The following NUP188 variants were observed in gnomAD, a reference collection of about 807,000 sequenced individuals.
NUP188 encodes nucleoporin NUP188.
A neutral mutation model predicts 223.0 loss-of-function variants in NUP188; 97 were observed. The observed-to-expected ratio is 0.43, with a 90% CI of 0.37 to 0.51. NUP188 has a LOEUF of 0.51. Among genes scored for constraint, NUP188 ranks in the 20% least tolerant of loss-of-function variants. The pLI is 0.00. For synonymous variants in NUP188, 869 were observed against 828.0 expected, an observed-to-expected ratio of 1.05 and a Z score of -0.85; for missense variants, 1,947 against 2,175.6, an observed-to-expected ratio of 0.89 and a Z score of 2.09.
In NUP188 at chr9:128,968,644, C is replaced by A. The variant is rs199727178; in HGVS notation, c.724C>A (p.Gln242Lys). ...LLVLTKMFKE[Q>K]GFGSRQTNRH... ...TGTATTAACCAAGATGTTTAAAGAG[C>A]AAGGATTTGGTAGTAGGCAGACCAA... The change falls in exon 9 of 44, where the codon CAA (glutamine) becomes AAA (lysine). Residue 242 changes from glutamine (Q) to lysine (K), a missense_variant. Around this residue, in one of 3 missense-constraint regions of NUP188, gnomAD observed 817 missense variants for 865.8 expected, o/e 0.94. Coordinates refer to ENST00000372577, the MANE Select transcript of NUP188 (RefSeq NM_015354.3). The A allele has an allele frequency of 6.6e-5, 107 of 1,613,924 alleles. No individual in the cohort carries two copies. The highest frequency in any genetic ancestry group is 8.3e-5 in the Non-Finnish European group (98 of 1,179,968).
intron 3 of NUP188, among the ~76,000 whole-genome samples, chr9:128,954,283 C>T (rs1187596919): frequency 6.6e-6 from 1 of 151,266 alleles, no homozygotes; most frequent in South Asian, 2.1e-4. Flanking sequence ...GGCACGATCT[C>T]GGCTCACTGC....
intron 5 of NUP188, 71 bp downstream of exon 5, chr9:128,957,103 AT>A: frequency 9.3e-7 from 1 of 1,077,280 alleles, no homozygotes; most frequent in Non-Finnish European, 1.4e-6. Flanking sequence ...ATAATGTAGG[AT>A]TTTGGCACCA....
At chr9:128,949,727 C>G (rs1239542765) in intron 2 of NUP188, among the ~76,000 whole-genome samples, 37 of 151,982 alleles carry the variant, frequency 2.4e-4, no homozygotes. Flanking sequence ...CTCCCGAGTT[C>G]AAGCGATTTT....
rs1330580005 is a variant in NUP188 at position 128,966,282 on chromosome 9, GTGTGTT to G, written c.586-2218_586-2213del. On this transcript the variant is annotated intron_variant, in intron 8 of 43. Coordinates refer to ENST00000372577, the MANE Select transcript of NUP188 (RefSeq NM_015354.3). The stretch of plus-strand genomic sequence containing the variant: ...TGTCTGTGTGTGTGTGTGTGTGTGT[GTGTGTT>G]TGTGTGTGTGTATGTGTTAGAAGTC... Among the ~76,000 whole-genome samples the G allele has an allele frequency of 8.0e-5, 12 of 150,762 alleles. No homozygotes were observed. The East Asian group carries it at 2.2e-3, about 27-fold the overall frequency.
In NUP188 at chr9:128,958,861, C is replaced by G; in HGVS notation, c.432C>G (p.Leu144=). The G allele has an allele frequency of 6.2e-7, 1 of 1,601,746 alleles. No homozygotes were observed. The highest frequency in any genetic ancestry group is 1.1e-5 in the South Asian group (1 of 88,960). ...TCILRCVLHL[L]TYFQDERHPY... ...TTCTTCGTTGTGTCTTACACCTTCT[C>G]ACTTACTTCCAAGATGAAAGACACC... is the stretch of plus-strand genomic sequence containing the variant. Residue 144 remains leucine (L), a synonymous_variant, in exon 7 of 44, where the codon CTC becomes CTG. Coordinates refer to ENST00000372577, the MANE Select transcript of NUP188 (RefSeq NM_015354.3).
intron 12 of NUP188, 147 bp from the exon 13 acceptor site, chr9:128,979,115 G>T: frequency 1.9e-6 from 1 of 520,432 alleles, no homozygotes; most frequent in Non-Finnish European, 3.5e-6. Context: ...TGTTCCCCAG[G>T]CTGCTCTGGA....
chr9:128,948,011 T>G (rs1401460938), intron 1 of NUP188: 66 of 338,586 alleles, frequency 1.9e-4, no homozygotes, highest in East Asian at 2.2e-4. Flanking sequence ...CCAGGGCCCT[T>G]TGCCTTCCTC....
rs1306620181 is a variant in NUP188 at position 128,981,317 on chromosome 9, G to A, written c.1443G>A (p.Lys481=). ...TCTACAATGAACTTTATAAACACAA[G>A]CCTCATGATGTGATCTCCCATGAAG... ...MSFYNELYKH[K]PHDVISHEDG... Residue 481 remains lysine (K), a synonymous_variant, in exon 15 of 44, where the codon AAG becomes AAA. Transcript: ENST00000372577. The A allele has an allele frequency of 5.6e-6, 9 of 1,613,864 alleles. No individual in the cohort carries two copies. Among genetic ancestry groups the A allele is most frequent in the South Asian group, 3.3e-5 (3 of 91,072 alleles).
At chr9:128,960,056 A>ATTTTTTTTTTTTTT (rs1841924763) in intron 8 of NUP188, among the ~76,000 whole-genome samples, 1 of 121,480 alleles carries the variant, frequency 8.2e-6, no homozygotes, top group Non-Finnish European at 1.7e-5. Context: ...TGATTATTTT[A>ATTTTTTTTTTTTTT]TTCTTTTTTT....
Position 128,999,740 on chromosome 9 carries a change from G to A in NUP188, c.3778G>A (p.Glu1260Lys). ...CAGTCTGGCATTAGGCAGTGCCACA[G>A]AGGACAAGGACAGCATGGAGACTGA... ...RHSLALGSAT[E>K]DKDSMETDDC... Residue 1260 changes from glutamate to lysine, a missense_variant, in exon 34 of 44, where the codon GAG becomes AAG. By Grantham distance (56) the Glu-to-Lys change is moderately conservative. Transcript: ENST00000372577. 6.2e-7 allele frequency: 1 copy of A among 1,614,250 alleles called. No homozygotes were observed.
intron 12 of NUP188, 91 bp from the exon 13 acceptor site, chr9:128,979,171 T>G (rs1842220539): frequency 2.2e-6 from 2 of 903,180 alleles, no homozygotes; most frequent in East Asian, 5.2e-5. Context: ...TTATTGGTGT[T>G]TTGGTGTTTT....
intron 12 of NUP188, among the ~76,000 whole-genome samples, chr9:128,974,773 CT>C (rs766492542): frequency 3.5e-3 from 492 of 141,288 alleles, no homozygotes; most frequent in African/African-American, 3.8e-3. Context: ...AACATTGTCT[CT>C]TTTTTTTTTT....
At chr9:128,978,556 CAAAAAAA>C (rs57813508) in intron 12 of NUP188, among the ~76,000 whole-genome samples, 35 of 67,640 alleles carry the variant, frequency 5.2e-4, no homozygotes, top group Middle Eastern at 7.9e-3. Flanking sequence ...GAGTGAGACT[CAAAAAAA>C]AAAAAAAAAA....
chr9:129,003,266 T>C (rs376377307), intron 37 of NUP188, 51 bp from the exon 38 acceptor site: 2 of 1,571,678 alleles, frequency 1.3e-6, no homozygotes, highest in African/African-American at 2.7e-5. Flanking sequence ...TGTGGGTATG[T>C]CAGGTCCCTC....
At chr9:128,983,413 T>C (rs374174363) in intron 18 of NUP188, 33 bp downstream of exon 18, 12 of 1,613,076 alleles carry the variant, frequency 7.4e-6, no homozygotes, top group Middle Eastern at 1.7e-4. Flanking sequence ...GAGCCAAAAA[T>C]GTAGCACTTG....
At position 129,006,726 on chromosome 9, in the gene NUP188, AC is replaced by A. The variant is rs758939789; in HGVS notation, c.*51del. ...ACCCCTCTCCACCAGCCTACACTGC[AC>A]CCTGGCTGGCAGGGGTGCTGCTGGC... is the stretch of plus-strand genomic sequence containing the variant. On this transcript the variant is annotated 3_prime_UTR_variant, in exon 44 of 44. Transcript: ENST00000372577. 1.3e-6 allele frequency: 2 copies of A among 1,553,178 alleles called. No homozygotes were observed. Among genetic ancestry groups the A allele is most frequent in the Admixed American group, 3.9e-5 (2 of 51,218 alleles).
chr9:129,005,757 C>A lies in NUP188; in HGVS notation c.4850C>A (p.Ala1617Asp). 6.2e-7 allele frequency: 1 copy of A among 1,612,972 alleles called. No homozygotes were observed. Among genetic ancestry groups the A allele is most frequent in the Non-Finnish European group, 8.5e-7 (1 of 1,179,468 alleles). Residue 1617 changes from alanine to aspartate, a missense_variant, in exon 41 of 44, where the codon GCC becomes GAC. By Grantham distance (126) the Ala-to-Asp change is moderately radical (BLOSUM62 -2). This residue lies in a region of NUP188 where 905 missense variants were observed against 990.6 expected (regional missense o/e 0.91). Coordinates refer to ENST00000372577, the MANE Select transcript of NUP188 (RefSeq NM_015354.3). Reference protein sequence around the residue: ...FGTLLATVNVALNMLGELDKK... With the variant: ...FGTLLATVNVDLNMLGELDKK... ...ACCCTTCTGGCCACAGTGAATGTGG[C>A]CCTCAACATGCTTGGAGAGGTAAGT...
intron 12 of NUP188, among the ~76,000 whole-genome samples, 158 bp from the exon 13 acceptor site, chr9:128,979,104 A>T (rs575452230): frequency 6.6e-6 from 1 of 152,156 alleles, no homozygotes; most frequent in Non-Finnish European, 1.5e-5. Flanking sequence ...AGGATTTACT[A>T]TGTTCCCCAG....
chr9:128,948,711 C>CTTTTTTTTTTTTTTTTT (rs56052652), intron 1 of NUP188: 1 of 61,066 alleles, frequency 1.6e-5, no homozygotes, highest in African/African-American at 5.8e-5. Context: ...GTTTTCCCCA[C>CTTTTTTTTTTTTTTTTT]TTTTTTTTTT....
Sources: allele counts gnomAD v4.1 joint callset (sites outside exome capture counted in the v4.1 genomes callset), GRCh38; gene constraint gnomAD v4.1.1; regional missense constraint gnomAD v4.1.1; transcripts MANE v1.5; gene names NCBI Gene and HGNC (gene_info 2026-07-23, HGNC 2026-07-21).